The following BTRC variants were observed in gnomAD, a reference collection of about 807,000 sequenced individuals.
BTRC encodes the protein beta-transducin repeat containing E3 ubiquitin protein ligase, also known as F-box/WD repeat-containing protein 1A.
BTRC carries 42 observed loss-of-function variants against 85.5 expected under a neutral mutation model. That is an observed-to-expected ratio of 0.49 (90% confidence interval 0.38 to 0.64). BTRC has a LOEUF of 0.64. Ranked by LOEUF, BTRC falls within the 30% of genes least tolerant of loss-of-function variation. BTRC has a pLI of 0.00. For synonymous variants in BTRC, 255 were observed against 263.3 expected (o/e 0.97, Z 0.30); for missense variants, 594 against 743.5 (o/e 0.80, Z 2.34).
chr10:101,501,515 A>C (rs888765513), intron 4 of BTRC, among the ~76,000 whole-genome samples: 4 of 152,302 alleles, frequency 2.6e-5, no homozygotes, highest in East Asian at 3.9e-4. Flanking sequence ...TATGTCAACT[A>C]TAAGAAAACT....
intron 13 of BTRC, among the ~76,000 whole-genome samples, chr10:101,539,049 TAA>T (rs34996474): frequency 5.5e-4 from 77 of 141,254 alleles, no homozygotes; most frequent in Admixed American, 2.3e-3. Flanking sequence ...AACTCTGTCT[TAA>T]AAAAAAAAAA....
intron 1 of BTRC, among the ~76,000 whole-genome samples, chr10:101,429,752 C>G (rs1207781812): frequency 2.8e-5 from 4 of 144,732 alleles, no homozygotes; most frequent in Admixed American, 2.1e-4. Flanking sequence ...GCTATGGTAA[C>G]TGTGCATTTT....
intron 1 of BTRC, among the ~76,000 whole-genome samples, chr10:101,366,631 G>A (rs557270148): frequency 3.3e-5 from 5 of 149,904 alleles, no homozygotes; most frequent in Admixed American, 2.7e-4. Flanking sequence ...AGAATAGGAA[G>A]TAACTTGGGT....
rs369257810 is a variant in BTRC, at chr10:101,435,032, C to G, written c.156+4580C>G. 8.4e-4 allele frequency among the ~76,000 whole-genome samples: 128 copies of G among 152,000 alleles called. 2 individuals carry two copies. The highest frequency in any genetic ancestry group is 3.0e-3 in the African/African-American group (126 of 41,484). On this transcript the variant is annotated intron_variant, in intron 2 of 14. Transcript: ENST00000370187. The stretch of plus-strand genomic sequence containing the variant: ...AATTTGTTCTATGTCAGGTTCAGCA[C>G]ACACAGGTGCTTGATAATACTGGTT...
intron 4 of BTRC, among the ~76,000 whole-genome samples, chr10:101,510,377 G>T (rs1006307330): frequency 6.6e-6 from 1 of 151,756 alleles, no homozygotes. Flanking sequence ...GAGCGTGGTG[G>T]TGGGTGCCTG....
Position 101,404,028 on chromosome 10 carries a change from A to ATTTTTTTT in BTRC, c.49-26316_49-26315insTTTTTTTT, listed in dbSNP as rs1176999196. Among the ~76,000 whole-genome samples, 22 of 31,106 alleles carry ATTTTTTTT rather than the reference A, an allele frequency of 7.1e-4. 1 individual carries two copies. Among genetic ancestry groups the ATTTTTTTT allele is most frequent in the East Asian group, 3.9e-3 (3 of 764 alleles). 20.4% of individuals were successfully genotyped at this position (31,106 alleles called of 152,430 possible). On this transcript the variant is annotated intron_variant, in intron 1 of 14. Coordinates refer to ENST00000370187, the MANE Select transcript of BTRC (RefSeq NM_033637.4). ...TATATATATATATATATATATATAT[A>ATTTTTTTT]TATTTTTTTTTTTTTTTTTTTGAGA... is the stretch of plus-strand genomic sequence containing the variant.
chr10:101,410,667 T>C (rs1377460588), intron 1 of BTRC, among the ~76,000 whole-genome samples: 1 of 151,394 alleles, frequency 6.6e-6, no homozygotes, highest in Non-Finnish European at 1.5e-5. Flanking sequence ...GTAATATCTT[T>C]TCAGTTATTT....
At chr10:101,371,366 C>T (rs1168265171) in intron 1 of BTRC, among the ~76,000 whole-genome samples, 1 of 151,970 alleles carries the variant, frequency 6.6e-6, no homozygotes, top group East Asian at 1.9e-4. Flanking sequence ...TTAGTAGAGA[C>T]GAAGTTCACC....
At chr10:101,387,528 C>CTTTTTTTTTTTTTTTTTTGTTTTTT in intron 1 of BTRC, among the ~76,000 whole-genome samples, 1 of 45,122 alleles carries the variant, frequency 2.2e-5, no homozygotes, top group East Asian at 1.3e-3. Flanking sequence ...CTTCATGGGA[C>CTTTTTTTTTTTTTTTTTTGTTTTTT]TTTTTTTTTT....
chr10:101,366,904 ATATT>A (rs1392751594), intron 1 of BTRC, among the ~76,000 whole-genome samples: 1 of 40,358 alleles, frequency 2.5e-5, no homozygotes, highest in Non-Finnish European at 4.1e-5. Flanking sequence ...ATATTTATAT[ATATT>A]AATATATATT....
intron 1 of BTRC, among the ~76,000 whole-genome samples, chr10:101,385,366 C>CA (rs10718968): frequency 0.17 from 14,034 of 82,500 alleles, 1,284 homozygotes; most frequent in Non-Finnish European, 0.25. Flanking sequence ...GACTCTGTCT[C>CA]AAAAAAAAAA....
At chr10:101,452,822 A>G (rs1944984032) in intron 2 of BTRC, among the ~76,000 whole-genome samples, 1 of 152,214 alleles carries the variant, frequency 6.6e-6, no homozygotes, top group Non-Finnish European at 1.5e-5. Context: ...GTCAAATGAT[A>G]AACATGCTGG....
rs1419395507 is a variant in BTRC at position 101,430,335 on chromosome 10, C to T, written c.49-10C>T. The T allele has an allele frequency of 1.2e-6, 2 of 1,605,986 alleles. No homozygotes were observed. Among genetic ancestry groups the T allele is most frequent in the Admixed American group, 3.4e-5 (2 of 59,580 alleles). ...TACTGTCCCATCTCATAGTTGTCCTCTCTCTGCAGTGCTCTATGCCCAGGT... is the reference window on the plus strand; with the variant it reads ...TACTGTCCCATCTCATAGTTGTCCTTTCTCTGCAGTGCTCTATGCCCAGGT... On this transcript the variant is annotated splice_polypyrimidine_tract_variant and intron_variant, in intron 1 of 14. Coordinates refer to ENST00000370187, the MANE Select transcript of BTRC (RefSeq NM_033637.4).
At chr10:101,361,358 A>C (rs960961810) in intron 1 of BTRC, among the ~76,000 whole-genome samples, 1 of 152,112 alleles carries the variant, frequency 6.6e-6, no homozygotes, top group Non-Finnish European at 1.5e-5. Flanking sequence ...CAACCGCCTC[A>C]GCCTCCCTAA....
In BTRC at chr10:101,362,343, A is replaced by G. The variant is rs757808949; in HGVS notation, c.48+8115A>G. The stretch of plus-strand genomic sequence containing the variant: ...TATCTGATTTTGCCTTCCTGCTCCT[A>G]GGCTTGTGACCTGACCTGATGCTGT... On this transcript the variant is annotated intron_variant, in intron 1 of 14. Coordinates refer to ENST00000370187, the MANE Select transcript of BTRC (RefSeq NM_033637.4). Among the ~76,000 whole-genome samples, 31 of 151,746 alleles carry G rather than the reference A, an allele frequency of 2.0e-4. 1 individual carries two copies. The highest frequency in any genetic ancestry group is 2.1e-4 in the Non-Finnish European group (14 of 67,982).
intron 4 of BTRC, among the ~76,000 whole-genome samples, chr10:101,487,294 T>G (rs1946014879): frequency 1.3e-5 from 2 of 152,344 alleles, no homozygotes; most frequent in Admixed American, 6.5e-5. Context: ...CATTTCTTCA[T>G]TGCTATATAA....
intron 1 of BTRC, among the ~76,000 whole-genome samples, chr10:101,376,792 G>C (rs1265258271): frequency 6.6e-6 from 1 of 151,978 alleles, no homozygotes; most frequent in Non-Finnish European, 1.5e-5. Flanking sequence ...TGGTGGTGGT[G>C]GTGCTTTCAC....
intron 4 of BTRC, among the ~76,000 whole-genome samples, chr10:101,489,973 C>G (rs2134255285): frequency 6.6e-6 from 1 of 152,192 alleles, no homozygotes; most frequent in Non-Finnish European, 1.5e-5. Flanking sequence ...TTAAGTTCAC[C>G]TTGGAGAAAT....
At chr10:101,490,394 G>T (rs1946099580) in intron 4 of BTRC, among the ~76,000 whole-genome samples, 1 of 152,106 alleles carries the variant, frequency 6.6e-6, no homozygotes, top group East Asian at 1.9e-4. Flanking sequence ...TTACTTATTT[G>T]GATTCTCATG....
Sources: gnomAD v4.1 joint callset for allele counts (sites outside exome capture counted in the v4.1 genomes callset) on GRCh38, gnomAD v4.1.1 for gene constraint, MANE v1.5 for transcripts, NCBI Gene and HGNC (gene_info 2026-07-23, HGNC 2026-07-21) for gene names.